Variants in TLE4 observed in about 807,000 individuals in gnomAD.
TLE4 encodes transducin-like enhancer protein 4.
In TLE4, 8 loss-of-function variants were observed where a neutral mutation model predicts 92.8. That is an observed-to-expected ratio of 0.09 (90% CI 0.05 to 0.16). The LOEUF (loss-of-function observed/expected upper bound fraction) is 0.16. Among genes scored for constraint, TLE4 ranks in the 10% least tolerant of loss-of-function variants. TLE4 has a pLI of 1.00. For synonymous variants in TLE4, 371 were observed against 374.1 expected (o/e 0.99, Z 0.10); for missense variants, 675 against 997.6 (o/e 0.68, Z 4.36).
chr9:79,626,320 A>G (rs1323985432), intron 5 of TLE4, among the ~76,000 whole-genome samples: 2 of 152,224 alleles, frequency 1.3e-5, no homozygotes, highest in South Asian at 2.1e-4. Context: ...CTTCATACTC[A>G]TCTCAAATAA....
chr9:79,706,957 T>G (rs768099653), intron 11 of TLE4, 58 bp downstream of exon 11: 226 of 1,586,748 alleles, frequency 1.4e-4, no homozygotes, highest in Non-Finnish European at 1.9e-4. Context: ...ATGTTTGAAT[T>G]TGATGTTTTT....
intron 6 of TLE4, among the ~76,000 whole-genome samples, chr9:79,649,007 G>A (rs1373260160): frequency 1.3e-5 from 2 of 152,166 alleles, no homozygotes; most frequent in Admixed American, 6.5e-5. Context: ...GCTGGCCATC[G>A]TGATGATTTC....
At chr9:79,607,519 G>A (rs1446905925) in intron 4 of TLE4, among the ~76,000 whole-genome samples, 1 of 152,164 alleles carries the variant, frequency 6.6e-6, no homozygotes, top group Non-Finnish European at 1.5e-5. Flanking sequence ...TTACACTTAA[G>A]TCTTTCATCC....
At chr9:79,592,104 CTTCTTCTTTCTTCT>C (rs775181411) in intron 4 of TLE4, among the ~76,000 whole-genome samples, 6 of 151,148 alleles carry the variant, frequency 4.0e-5, no homozygotes, top group African/African-American at 1.2e-4. Flanking sequence ...TCTTCTTCTT[CTTCTTCTTTCTTCT>C]TTCTTCTTTC....
chr9:79,704,947 T>C (rs200458035), intron 9 of TLE4, 45 bp downstream of exon 9: 1,651 of 1,609,898 alleles, frequency 1.0e-3, no homozygotes, highest in Middle Eastern at 1.3e-3. Context: ...GCTTGCCTTT[T>C]TATCTGCAGC....
chr9:79,592,226 T>TCCTTCTG, intron 4 of TLE4, among the ~76,000 whole-genome samples: 1 of 126,800 alleles, frequency 7.9e-6, no homozygotes, highest in Admixed American at 7.4e-5. Flanking sequence ...CTCTTCTTCT[T>TCCTTCTG]CTTCTTCTTC....
At chr9:79,637,279 T>A (rs2056106152) in intron 6 of TLE4, among the ~76,000 whole-genome samples, 1 of 152,224 alleles carries the variant, frequency 6.6e-6, no homozygotes, top group South Asian at 2.1e-4. Flanking sequence ...CTTTGTTTAA[T>A]CTTCACATCA....
intron 4 of TLE4, among the ~76,000 whole-genome samples, chr9:79,582,531 T>C (rs932043746): frequency 4.6e-5 from 7 of 152,240 alleles, no homozygotes; most frequent in African/African-American, 1.7e-4. Flanking sequence ...ACATCTTTTT[T>C]ATTTCTTCTT....
At chr9:79,650,944 T>C (rs1321940980) in intron 6 of TLE4, among the ~76,000 whole-genome samples, 5 of 151,544 alleles carry the variant, frequency 3.3e-5, no homozygotes, top group African/African-American at 1.2e-4. Flanking sequence ...AAAATAAACC[T>C]AATTTGGAGA....
intron 2 of TLE4, chr9:79,574,014 T>C (rs369849767): frequency 3.1e-5 from 10 of 323,776 alleles, no homozygotes; most frequent in Admixed American, 2.9e-4. Flanking sequence ...CAATCGAAAC[T>C]GGGGAGACTT....
At chr9:79,612,751 A>C (rs781507655) in intron 5 of TLE4, 33 bp downstream of exon 5, 11 of 1,602,688 alleles carry the variant, frequency 6.9e-6, no homozygotes, top group Admixed American at 3.3e-5. Context: ...CTGGACTAGA[A>C]GTTGCCATTT....
At chr9:79,656,000 G>T (rs1293504681) in intron 8 of TLE4, among the ~76,000 whole-genome samples, 1 of 152,172 alleles carries the variant, frequency 6.6e-6, no homozygotes, top group Non-Finnish European at 1.5e-5. Context: ...TATCTGTATA[G>T]CTAGAAGCCA....
chr9:79,711,818 G>T (rs2073359349), intron 14 of TLE4, among the ~76,000 whole-genome samples: 2 of 152,166 alleles, frequency 1.3e-5, no homozygotes, highest in African/African-American at 4.8e-5. Context: ...TGGATTGGAG[G>T]ATTGTTGAGA....
intron 8 of TLE4, among the ~76,000 whole-genome samples, chr9:79,700,186 C>T (rs2069402991): frequency 6.6e-6 from 1 of 152,130 alleles, no homozygotes; most frequent in African/African-American, 2.4e-5. Flanking sequence ...TGTTGTTACC[C>T]CAGACTAAAG....
intron 8 of TLE4, chr9:79,668,771 G>A (rs1423133022): frequency 5.1e-6 from 5 of 975,900 alleles, no homozygotes; most frequent in South Asian, 4.8e-5. Context: ...CTACTGGAAC[G>A]CTTTTAATTT....
intron 12 of TLE4, 142 bp downstream of exon 12, chr9:79,708,392 C>G: frequency 8.5e-7 from 1 of 1,171,854 alleles, no homozygotes; most frequent in Non-Finnish European, 1.2e-6. Context: ...GAACCGAGCA[C>G]CTGGGACCAA....
intron 8 of TLE4, among the ~76,000 whole-genome samples, chr9:79,679,486 C>G (rs11138326): frequency 0.53 from 80,499 of 151,824 alleles, 23,918 homozygotes; most frequent in East Asian, 0.71. Flanking sequence ...TTGTAAATTT[C>G]TTTGAGTTCA....
At chr9:79,621,487 G>A (rs1209452693) in intron 5 of TLE4, among the ~76,000 whole-genome samples, 1 of 152,160 alleles carries the variant, frequency 6.6e-6, no homozygotes, top group Non-Finnish European at 1.5e-5. Context: ...TTAATGGCAG[G>A]GTAGATTTCA....
chr9:79,606,184 G>GTTTTTTTT (rs1288414778), intron 4 of TLE4, among the ~76,000 whole-genome samples: 17 of 18,410 alleles, frequency 9.2e-4, no homozygotes, highest in Middle Eastern at 0.028. Flanking sequence ...AGCAGTAGTA[G>GTTTTTTTT]TTGTTTTTTT....
Sources: allele counts gnomAD v4.1 joint callset (sites outside exome capture counted in the v4.1 genomes callset), GRCh38; gene constraint gnomAD v4.1.1; transcripts MANE v1.5; gene names NCBI Gene and HGNC (gene_info 2026-07-23, HGNC 2026-07-21).